Variants in PACS2 observed in about 807,000 individuals in gnomAD.
The protein encoded by PACS2 is PACS1-like protein.
In PACS2, 36 loss-of-function variants were observed where a neutral mutation model predicts 113.0. The observed-to-expected ratio is 0.32, with a 90% confidence interval of 0.24 to 0.42. PACS2 has a LOEUF of 0.42. Among genes scored for constraint, PACS2 ranks in the 10% least tolerant of loss-of-function variants. PACS2 has a pLI of 1.00. For missense variants in PACS2, 1,015 were observed against 1,239.5 expected (o/e 0.82, Z 2.72); for synonymous variants, 589 against 536.1 (o/e 1.10, Z -1.36).
intron 1 of PACS2, among the ~76,000 whole-genome samples, chr14:105,339,474 C>G (rs2059642948): frequency 6.7e-6 from 1 of 149,720 alleles, no homozygotes; most frequent in Non-Finnish European, 1.5e-5. Context: ...CCATTGCACT[C>G]CAGCCTGGGC....
At chr14:105,338,944 C>T (rs2059624209) in intron 1 of PACS2, among the ~76,000 whole-genome samples, 1 of 152,218 alleles carries the variant, frequency 6.6e-6, no homozygotes, top group African/African-American at 2.4e-5. Flanking sequence ...TGAGCCTGGC[C>T]CCACAACCAG....
chr14:105,306,998 C>G (rs2058207274), intron 1 of PACS2, among the ~76,000 whole-genome samples: 1 of 152,092 alleles, frequency 6.6e-6, no homozygotes, highest in Admixed American at 6.6e-5. Flanking sequence ...TTCCTAGAGA[C>G]AGCTGACCAC....
chr14:105,372,150 G>A (rs1475776094), intron 8 of PACS2: 1 of 152,306 alleles, frequency 6.6e-6, no homozygotes, highest in Non-Finnish European at 1.5e-5. Context: ...CACACAGTGG[G>A]TCTGGTGAGG....
chr14:105,373,533 A>C (rs1272320078), intron 8 of PACS2, among the ~76,000 whole-genome samples: 1 of 152,276 alleles, frequency 6.6e-6, no homozygotes, highest in Non-Finnish European at 1.5e-5. Context: ...AATTACAGCC[A>C]GCTGTGGTGG....
chr14:105,391,151 G>T, intron 20 of PACS2, 56 bp from the exon 21 acceptor site: 1 of 1,419,438 alleles, frequency 7.0e-7, no homozygotes, highest in Non-Finnish European at 1.0e-6. Flanking sequence ...CACTGGGAGG[G>T]CGCTGGGCTA....
At position 105,315,308 on chromosome 14, in the gene PACS2, C is replaced by G. The variant is rs1187435951; in HGVS notation, c.119+271C>G. 6.4e-6 allele frequency: 1 copy of G among 155,058 alleles called. No homozygotes were observed. Among genetic ancestry groups the G allele is most frequent in the African/African-American group, 2.4e-5 (1 of 41,514 alleles). 9.6% of individuals were successfully genotyped at this position (155,058 alleles called of 1,614,324 possible). A position where few individuals can be genotyped will look rare whatever the true frequency, so the allele number is the denominator to read the frequency against. On this transcript the variant is annotated intron_variant, in intron 1 of 24. Coordinates refer to ENST00000447393, the MANE Select transcript of PACS2 (RefSeq NM_001100913.3). This position sits in a 1 kb window ranked among gnomAD's most constrained non-coding sequence, Gnocchi z 4.4. ...AGACCCGGCGGGACCTTGGGGCTCC[C>G]GGGCGGCGCTCACCTGGCTCGCCGC...
chr14:105,304,999 G>A (rs1046930311), intron 1 of PACS2, among the ~76,000 whole-genome samples: 5 of 152,230 alleles, frequency 3.3e-5, no homozygotes, highest in Non-Finnish European at 5.9e-5. Context: ...TTCCCCCAAA[G>A]TCCATATGTT....
rs139774319 is a variant in PACS2, at chr14:105,393,413, A to AGGAGC, written c.2596+79_2596+83dup. The AGGAGC allele has an allele frequency of 4.1e-4, 386 of 934,112 alleles. 3 individuals carry two copies. In the African/African-American group the frequency reaches 5.5e-3, roughly 13 times the overall value. 57.9% of individuals were successfully genotyped at this position (934,112 alleles called of 1,614,324 possible). A position where few individuals can be genotyped will look rare whatever the true frequency, so the allele number is the denominator to read the frequency against. ...GCAAGGCTGCTTTGGAGCCCAGCCTAGGAGCTGCGGGTGTCTCGCTGTGAC... is the reference window on the plus strand; with the variant it reads ...GCAAGGCTGCTTTGGAGCCCAGCCTAGGAGCGGAGCTGCGGGTGTCTCGCTGTGAC... On this transcript the variant is annotated intron_variant, in intron 24 of 24. Coordinates refer to ENST00000447393, the MANE Select transcript of PACS2 (RefSeq NM_001100913.3).
intron 8 of PACS2, among the ~76,000 whole-genome samples, chr14:105,373,412 C>G (rs1269513167): frequency 6.6e-6 from 1 of 152,216 alleles, no homozygotes; most frequent in African/African-American, 2.4e-5. Context: ...GAAGTGAACC[C>G]TTCCATTTAT....
chr14:105,304,706 C>T (rs966177490), intron 1 of PACS2, among the ~76,000 whole-genome samples: 1 of 152,160 alleles, frequency 6.6e-6, no homozygotes, highest in African/African-American at 2.4e-5. Flanking sequence ...GTTTATTGGA[C>T]CTGTAGTTCC....
rs587744439 is a variant in PACS2 at position 105,315,906 on chromosome 14, G to A, written c.119+869G>A. Among the ~76,000 whole-genome samples, 100 of 152,366 alleles carry A rather than the reference G, an allele frequency of 6.6e-4. No individual in the cohort carries two copies. Among genetic ancestry groups the A allele is most frequent in the African/African-American group, 2.4e-3 (100 of 41,592 alleles). On this transcript the variant is annotated intron_variant, in intron 1 of 24. Transcript: ENST00000447393. The surrounding 1 kb of genome is among the most constrained non-coding windows in gnomAD (Gnocchi z 4.4). ...CGAGAAGAGGAGGCGGTTGGGGGTA[G>A]TGAGAGTTCTCCCTGGGGAGATGGG... is the stretch of plus-strand genomic sequence containing the variant.
Position 105,353,676 on chromosome 14 carries a change from C to T in PACS2, c.297+1209C>T, listed in dbSNP as rs373123956. ...TGGTGCAGTCTTGGCTCACTGCAAC[C>T]TCCACCTCCCGAGTTCAAGCGATTC... On this transcript the variant is annotated intron_variant, in intron 3 of 24. Coordinates refer to ENST00000447393, the MANE Select transcript of PACS2 (RefSeq NM_001100913.3). Among the ~76,000 whole-genome samples, 61 of 152,090 alleles carry T rather than the reference C, an allele frequency of 4.0e-4. No homozygotes were observed. The South Asian group carries it at 4.2e-3, about 10-fold the overall frequency.
At position 105,317,463 on chromosome 14, in the gene PACS2, C is replaced by T. The variant is rs1159105896; in HGVS notation, c.119+2426C>T. On this transcript the variant is annotated intron_variant, in intron 1 of 24. Coordinates refer to ENST00000447393, the MANE Select transcript of PACS2 (RefSeq NM_001100913.3). The surrounding 1 kb of genome is among the most constrained non-coding windows in gnomAD (Gnocchi z 4.2). ...CCCCACTGACAGGGACGAGAGTCCC[C>T]ACTGCTCCACATTTGTGCCAACACT... 1.3e-5 allele frequency among the ~76,000 whole-genome samples: 2 copies of T among 152,192 alleles called. No homozygotes were observed. Among genetic ancestry groups the T allele is most frequent in the Non-Finnish European group, 2.9e-5 (2 of 68,038 alleles).
At chr14:105,364,419 T>TGTCCCGGGTGCGCGGTGGGCGGC (rs1566943399) in intron 4 of PACS2, among the ~76,000 whole-genome samples, 88 of 66,816 alleles carry the variant, frequency 1.3e-3, no homozygotes, top group East Asian at 7.0e-3. Flanking sequence ...CGGTGGGCGG[T>TGTCCCGGGTGCGCGGTGGGCGGC]GTCCCGGGTG....
chr14:105,342,483 G>A (rs1483630622), intron 1 of PACS2, among the ~76,000 whole-genome samples: 2 of 151,734 alleles, frequency 1.3e-5, no homozygotes, highest in Non-Finnish European at 2.9e-5. Flanking sequence ...TGGCCAGGCT[G>A]GTCTCGAACT....
intron 23 of PACS2, 66 bp downstream of exon 23, chr14:105,392,911 G>T: frequency 2.3e-6 from 3 of 1,290,078 alleles, no homozygotes; most frequent in Non-Finnish European, 3.3e-6. Flanking sequence ...AGGGCGGCTC[G>T]CAGTCAACAG....
chr14:105,384,414 G>A lies in PACS2; in HGVS notation c.1842G>A (p.Gln614=). 1 of 1,612,574 alleles carries A rather than the reference G, an allele frequency of 6.2e-7. No individual in the cohort carries two copies. Among genetic ancestry groups the A allele is most frequent in the Non-Finnish European group, 8.5e-7 (1 of 1,179,840 alleles). The change falls in exon 17 of 25, where the codon CAG becomes CAA. Residue 614 remains glutamine, a synonymous_variant. Coordinates refer to ENST00000447393, the MANE Select transcript of PACS2 (RefSeq NM_001100913.3). ...SVDYRYNNFF[Q]DLAWRDLFNK... is the part of the protein sequence containing the mutation. The stretch of plus-strand genomic sequence containing the variant: ...ACTACCGCTACAACAACTTCTTCCA[G>A]GACCTGGCCTGGAGAGACCTGTTCA...
At chr14:105,350,927 G>A (rs587685555) in intron 2 of PACS2, among the ~76,000 whole-genome samples, 287 of 152,338 alleles carry the variant, frequency 1.9e-3, no homozygotes, top group African/African-American at 5.6e-3. Context: ...CTCTTGCCAC[G>A]CTGCACGTGA....
upstream of PACS2, chr14:105,314,657 GGCGCGGGTCGGAGGGCGCCGGGCGC>G (rs1382378402): frequency 1.4e-5 from 2 of 144,122 alleles, no homozygotes; most frequent in Admixed American, 6.8e-5. Flanking sequence ...CGGCGGCGCC[GGCGCGGGTCGGAGGGCGCCGGGCGC>G]GCGCGGGGCG....
Sources: gnomAD v4.1 joint callset for allele counts (sites outside exome capture counted in the v4.1 genomes callset) on GRCh38, gnomAD v4.1.1 for gene constraint, Gnocchi (gnomAD v3.1) non-coding constraint, MANE v1.5 for transcripts, NCBI Gene and HGNC (gene_info 2026-07-23, HGNC 2026-07-21) for gene names.